The following SIGLEC15 variants were observed in gnomAD, a reference collection of about 807,000 sequenced individuals.
SIGLEC15 encodes sialic acid-binding Ig-like lectin 15.
Under a neutral mutation model 26.2 loss-of-function variants are expected in SIGLEC15, and 31 were observed. The ratio of observed to expected loss-of-function variants is 1.18; its 90% CI spans 0.89 to 1.60. The LOEUF (loss-of-function observed/expected upper bound fraction) is 1.60, where lower values mean the gene tolerates loss of function less well. Among genes scored for constraint, SIGLEC15 ranks in the 40% most tolerant of loss-of-function variants. The pLI, the probability that SIGLEC15 is intolerant of heterozygous loss-of-function variation, is 0.00. For missense variants in SIGLEC15, 501 were observed against 488.4 expected, an observed-to-expected ratio of 1.03 and a Z score of -0.24; for synonymous variants, 207 against 221.9, an observed-to-expected ratio of 0.93 and a Z score of 0.60.
intron 1 of SIGLEC15, among the ~76,000 whole-genome samples, chr18:45,831,314 T>C (rs1254826514): frequency 1.3e-5 from 2 of 152,260 alleles, no homozygotes; most frequent in Non-Finnish European, 2.9e-5. Flanking sequence ...GCCTAAGCTG[T>C]CTTTCCACTA....
At chr18:45,834,851 T>A (rs116519401) in intron 1 of SIGLEC15, among the ~76,000 whole-genome samples, 1,813 of 152,196 alleles carry the variant, frequency 0.012, 34 homozygotes, top group African/African-American at 0.04. Context: ...GAGGCTGAGG[T>A]CACAGAAAGT....
chr18:45,827,100 G>A (rs1189705298), intron 1 of SIGLEC15, among the ~76,000 whole-genome samples: 1 of 152,184 alleles, frequency 6.6e-6, no homozygotes, highest in Non-Finnish European at 1.5e-5. Context: ...ATTTTTAGTA[G>A]AGACAGAATT....
At chr18:45,827,769 G>A (rs367853862) in intron 1 of SIGLEC15, among the ~76,000 whole-genome samples, 2 of 152,200 alleles carry the variant, frequency 1.3e-5, no homozygotes, top group Non-Finnish European at 2.9e-5. Context: ...CAAGAGAGCC[G>A]AGGCTTTGGG....
chr18:45,838,596 G>A (rs1301638318), intron 3 of SIGLEC15, 122 bp from the exon 4 acceptor site: 11 of 1,315,394 alleles, frequency 8.4e-6, no homozygotes, highest in Non-Finnish European at 1.1e-5. Context: ...TGGGACGGGG[G>A]CAGCCTGGCA....
intron 1 of SIGLEC15, among the ~76,000 whole-genome samples, chr18:45,832,135 A>T (rs2048240878): frequency 6.6e-6 from 1 of 152,200 alleles, no homozygotes; most frequent in African/African-American, 2.4e-5. Flanking sequence ...ACACATATGG[A>T]GCATTTGCTG....
At chr18:45,831,111 C>A (rs1303310133) in intron 1 of SIGLEC15, among the ~76,000 whole-genome samples, 2 of 152,180 alleles carry the variant, frequency 1.3e-5, no homozygotes, top group African/African-American at 4.8e-5. Context: ...CGGACAGACC[C>A]CTGACACCCA....
chr18:45,839,558 T>C (rs1052919996), intron 4 of SIGLEC15, among the ~76,000 whole-genome samples: 3 of 152,056 alleles, frequency 2.0e-5, no homozygotes, highest in African/African-American at 4.8e-5. Context: ...CATTGCAATG[T>C]GCTATGAGAA....
At chr18:45,842,022 C>G (rs2048328354) in intron 5 of SIGLEC15, 84 bp from the exon 6 acceptor site, 1 of 1,256,138 alleles carries the variant, frequency 8.0e-7, no homozygotes, top group Non-Finnish European at 1.2e-6. Context: ...GTCTCCTCTT[C>G]TTGGCCCACT....
At position 45,833,018 on chromosome 18, in the gene SIGLEC15, C is replaced by G. The variant is rs556490011; in HGVS notation, c.53-4011C>G. On this transcript the variant is annotated intron_variant, in intron 1 of 5. Coordinates refer to ENST00000389474, the MANE Select transcript of SIGLEC15 (RefSeq NM_213602.3). ...AAGATCGTAACCCTTGGTGAAAGAC[C>G]CTCTGTGTTCCCATTCTGCTCCTAG... 1.6e-3 allele frequency among the ~76,000 whole-genome samples: 243 copies of G among 152,234 alleles called. 1 individual carries two copies. The highest frequency in any genetic ancestry group is 5.5e-3 in the African/African-American group (229 of 41,544).
At chr18:45,835,696 C>G (rs2048270811) in intron 1 of SIGLEC15, among the ~76,000 whole-genome samples, 1 of 152,214 alleles carries the variant, frequency 6.6e-6, no homozygotes, top group Non-Finnish European at 1.5e-5. Context: ...TCCAGTAACA[C>G]TTTTACCTGA....
rs1375600630 is a variant in SIGLEC15 at position 45,837,857 on chromosome 18, C to T, written c.457C>T (p.Arg153Cys). 1 of 1,538,682 alleles carries T rather than the reference C, an allele frequency of 6.5e-7. No individual in the cohort carries two copies. The highest frequency in any genetic ancestry group is 8.7e-7 in the Non-Finnish European group (1 of 1,153,348). The stretch of plus-strand genomic sequence containing the variant: ...CGAGTTCGCCGGCGACGTCCATGAC[C>T]GCTACGAGAGCCGCCACGGCGTCCG... ...RVEFAGDVHD[R>C]YESRHGVRLH... Residue 153 changes from arginine to cysteine, a missense_variant, in exon 3 of 6, where the codon CGC becomes TGC. By Grantham distance (180) the Arg-to-Cys change is radical. Transcript: ENST00000389474.
chr18:45,842,440 T>TGAGA lies in SIGLEC15; in HGVS notation c.*254_*255insAGAG, dbSNP rs141094241. On this transcript the variant is annotated 3_prime_UTR_variant, in exon 6 of 6. Coordinates refer to ENST00000389474, the MANE Select transcript of SIGLEC15 (RefSeq NM_213602.3). ...GCATACGTCTGTGTGTGTGTGTGTG[T>TGAGA]GTGAGAGAGAGAGAGAGAGAGTACA... 46,561 of 449,456 alleles carry TGAGA rather than the reference T, an allele frequency of 0.1. 2,072 individuals are homozygous for TGAGA. The highest frequency in any genetic ancestry group is 0.24 in the Admixed American group (6,412 of 26,706). The allele number at this position is 449,456 out of a possible 1,614,324, so 27.8% of individuals were successfully genotyped here.
In SIGLEC15 at chr18:45,842,124, CA is replaced by C. The variant is rs1161168503; in HGVS notation, c.926del (p.Asn309IlefsTer5). On this transcript the variant is annotated frameshift_variant, in exon 6 of 6. Coordinates refer to ENST00000389474, the MANE Select transcript of SIGLEC15 (RefSeq NM_213602.3). LOFTEE classifies it low-confidence loss of function (END_TRUNC). ...TCCACAGGTCCCAGGCCCAGGAGTCCAATTATGAAAATTTGAGCCAGATGAA... is the reference window on the plus strand; with the variant it reads ...TCCACAGGTCCCAGGCCCAGGAGTCCATTATGAAAATTTGAGCCAGATGAA... ...TPPRSQAQES[N>X]YENLSQMNPR... 5.0e-6 allele frequency: 8 copies of C among 1,614,090 alleles called. No homozygotes were observed. In the Admixed American group the frequency reaches 1.2e-4, roughly 24 times the overall value.
chr18:45,830,537 A>C (rs1008038253), intron 1 of SIGLEC15, among the ~76,000 whole-genome samples: 3 of 151,876 alleles, frequency 2.0e-5, no homozygotes, highest in African/African-American at 7.3e-5. Context: ...CAGTTTTCTG[A>C]ATACCTAAAA....
intron 1 of SIGLEC15, among the ~76,000 whole-genome samples, chr18:45,832,079 C>T (rs2048240570): frequency 6.6e-6 from 1 of 152,214 alleles, no homozygotes; most frequent in African/African-American, 2.4e-5. Context: ...TTCCCACCAC[C>T]CTCTGTTCAC....
Position 45,837,085 on chromosome 18 carries a change from C to T in SIGLEC15, c.109C>T (p.His37Tyr), listed in dbSNP as rs2048281517. 1 of 1,611,894 alleles carries T rather than the reference C, an allele frequency of 6.2e-7. No individual in the cohort carries two copies. Among genetic ancestry groups the T allele is most frequent in the Non-Finnish European group, 8.5e-7 (1 of 1,178,446 alleles). ...GGAGAACTTGCTCAACACAGAGGTGCACAGTAAGTGCTTTTATTATTATCA... is the reference window on the plus strand; with the variant it reads ...GGAGAACTTGCTCAACACAGAGGTGTACAGTAAGTGCTTTTATTATTATCA... ...TTENLLNTEV[H>Y]SSPAQRWSMQ... The change falls in exon 2 of 6, where the codon CAC becomes TAC. Residue 37 changes from histidine to tyrosine, a missense_variant. Transcript: ENST00000389474.
chr18:45,837,916 G>A lies in SIGLEC15; in HGVS notation c.496+20G>A. 3 of 1,473,660 alleles carry A rather than the reference G, an allele frequency of 2.0e-6. No individual in the cohort carries two copies. The highest frequency in any genetic ancestry group is 2.9e-5 in the East Asian group (1 of 34,980). 91.3% of individuals were successfully genotyped at this position (1,473,660 alleles called of 1,614,324 possible). On this transcript the variant is annotated intron_variant, in intron 3 of 5. Transcript: ENST00000389474. Reference sequence around the variant, plus strand: ...TGACAGGCGAGGCGGCGTGGGAGCGGGTCCCCGGCCTCCCTTCCCGCCCTC... The same window carrying A: ...TGACAGGCGAGGCGGCGTGGGAGCGAGTCCCCGGCCTCCCTTCCCGCCCTC...
In SIGLEC15 at chr18:45,842,462, T is replaced by C; in HGVS notation, c.*275T>C. ...GTGTGTGAGAGAGAGAGAGAGAGAG[T>C]ACACGCATTAGCTTGAGCGTGAAAC... On this transcript the variant is annotated 3_prime_UTR_variant, in exon 6 of 6. Coordinates refer to ENST00000389474, the MANE Select transcript of SIGLEC15 (RefSeq NM_213602.3). 4 of 333,214 alleles carry C rather than the reference T, an allele frequency of 1.2e-5. No individual in the cohort carries two copies. Among genetic ancestry groups the C allele is most frequent in the Non-Finnish European group, 1.6e-5 (3 of 186,792 alleles). The allele number at this position is 333,214 out of a possible 1,614,324, so 20.6% of individuals were successfully genotyped here.
chr18:45,842,442 TGAGAGA>T lies in SIGLEC15; in HGVS notation c.*269_*274del, dbSNP rs61267857. 3.5e-5 allele frequency: 12 copies of T among 344,894 alleles called. No homozygotes were observed. The highest frequency in any genetic ancestry group is 5.2e-5 in the East Asian group (1 of 19,416). 21.4% of individuals were successfully genotyped at this position (344,894 alleles called of 1,614,324 possible). A position where few individuals can be genotyped will look rare whatever the true frequency, so the allele number is the denominator to read the frequency against. ...ATACGTCTGTGTGTGTGTGTGTGTG[TGAGAGA>T]GAGAGAGAGAGAGTACACGCATTAG... On this transcript the variant is annotated 3_prime_UTR_variant, in exon 6 of 6. Transcript: ENST00000389474.
Sources: gnomAD v4.1 joint callset for allele counts (sites outside exome capture counted in the v4.1 genomes callset) on GRCh38, gnomAD v4.1.1 for gene constraint, MANE v1.5 for transcripts, NCBI Gene and HGNC (gene_info 2026-07-23, HGNC 2026-07-21) for gene names.